The following CSF1R variants were observed in gnomAD, a reference collection of about 807,000 sequenced individuals.
CSF1R encodes the protein macrophage colony-stimulating factor 1 receptor.
A neutral mutation model predicts 110.0 loss-of-function variants in CSF1R; 40 were observed. The ratio of observed to expected loss-of-function variants is 0.36; its 90% confidence interval spans 0.28 to 0.47. The LOEUF (loss-of-function observed/expected upper bound fraction) is 0.47. Among genes scored for constraint, CSF1R ranks in the 20% least tolerant of loss-of-function variants. The pLI is 0.99. For synonymous variants in CSF1R, 523 were observed against 503.4 expected (o/e 1.04, Z -0.52); for missense variants, 1,052 against 1,253.0 (o/e 0.84, Z 2.42).
intron 5 of CSF1R, among the ~76,000 whole-genome samples, chr5:150,075,180 G>A (rs1031439803): frequency 9.9e-5 from 15 of 152,032 alleles, no homozygotes; most frequent in Non-Finnish European, 1.9e-4. Flanking sequence ...GAGCTTTTGG[G>A]GGCAAGGCTT....
chr5:150,059,222 T>A (rs1757386090), intron 14 of CSF1R, among the ~76,000 whole-genome samples: 1 of 151,914 alleles, frequency 6.6e-6, no homozygotes, highest in Non-Finnish European at 1.5e-5. Flanking sequence ...TTTTGTATAT[T>A]TAATAGAGAC....
intron 1 of CSF1R, among the ~76,000 whole-genome samples, chr5:150,081,371 A>G (rs1758535877): frequency 6.6e-6 from 1 of 151,976 alleles, no homozygotes; most frequent in Non-Finnish European, 1.5e-5. Flanking sequence ...GACTCTTTTA[A>G]CCCTGTGTAC....
chr5:150,064,327 G>C (rs1757662288), intron 10 of CSF1R, among the ~76,000 whole-genome samples: 1 of 152,242 alleles, frequency 6.6e-6, no homozygotes, highest in African/African-American at 2.4e-5. Context: ...GAGAGAGACA[G>C]GGAGAAAGCT....
At chr5:150,106,589 C>T (rs1759562690) in intron 1 of CSF1R, among the ~76,000 whole-genome samples, 1 of 152,206 alleles carries the variant, frequency 6.6e-6, no homozygotes, top group Admixed American at 6.5e-5. Flanking sequence ...ATCTCTAGGC[C>T]TGAGGATTGA....
rs1355355816 is a variant in CSF1R, at chr5:150,065,937, T to C, written c.1626+2278A>G. Among the ~76,000 whole-genome samples, 3 of 152,238 alleles carry C rather than the reference T, an allele frequency of 2.0e-5. No homozygotes were observed. In the East Asian group the frequency reaches 5.8e-4, roughly 29 times the overall value. On this transcript the variant is annotated intron_variant, in intron 10 of 20. Transcript: ENST00000675795. The stretch of plus-strand genomic sequence containing the variant: ...TAGGCTCTTCTCTGGAATCTCTGCA[T>C]GACTGTCCTGGCAGCTCTGTGGGCA...
chr5:150,083,123 G>A (rs1758629111), intron 1 of CSF1R, among the ~76,000 whole-genome samples: 1 of 152,030 alleles, frequency 6.6e-6, no homozygotes, highest in Admixed American at 6.6e-5. Flanking sequence ...CTGCTGGCTT[G>A]GCTAGCAGGG....
At chr5:150,083,440 G>A (rs1758653629) in intron 1 of CSF1R, among the ~76,000 whole-genome samples, 1 of 148,834 alleles carries the variant, frequency 6.7e-6, no homozygotes, top group Admixed American at 6.7e-5. Context: ...TTCAGCCCAG[G>A]ATCTCATCGC....
At chr5:150,068,742 C>T (rs1484851162) in intron 9 of CSF1R, among the ~76,000 whole-genome samples, 1 of 152,234 alleles carries the variant, frequency 6.6e-6, no homozygotes, top group African/African-American at 2.4e-5. Context: ...CCTTCCTCTC[C>T]TGCATTTCCC....
rs1342829281 is a variant in CSF1R at position 150,080,795 on chromosome 5, G to A, written c.279C>T (p.Gly93=). The part of the protein sequence containing the change: ...RCTEPGDPLG[G]SAAIHLYVKD... Reference sequence around the variant, plus strand: ...TGACATAGAGGTGGATGGCGGCGCTGCCTCCCAGGGGGTCTCCAGGCTCAG... The same window carrying A: ...TGACATAGAGGTGGATGGCGGCGCTACCTCCCAGGGGGTCTCCAGGCTCAG... Residue 93 remains glycine (G), a synonymous_variant, in exon 2 of 21, where the codon GGC becomes GGT. Transcript: ENST00000675795. 6.2e-7 allele frequency: 1 copy of A among 1,614,122 alleles called. No individual in the cohort carries two copies. The highest frequency in any genetic ancestry group is 1.7e-5 in the Admixed American group (1 of 60,012).
chr5:150,091,345 G>A (rs1454466578), upstream of CSF1R, among the ~76,000 whole-genome samples: 1 of 152,162 alleles, frequency 6.6e-6, no homozygotes, highest in African/African-American at 2.4e-5. Flanking sequence ...AATATTCAAC[G>A]CAGCACAATT....
Position 150,080,912 on chromosome 5 carries a change from TGGG to T in CSF1R, c.159_161del (p.Pro54del), listed in dbSNP as rs753211296. On this transcript the variant is annotated inframe_deletion, in exon 2 of 21. Coordinates refer to ENST00000675795, the MANE Select transcript of CSF1R (RefSeq NM_001288705.3). ...CAGAGTACAGGGTCCAGTGAGGTGA[TGGG>T]GGGCCATCCCATTCCACGCTGCCAT... is the stretch of plus-strand genomic sequence containing the variant. 1.9e-5 allele frequency: 31 copies of T among 1,614,002 alleles called. No individual in the cohort carries two copies. The highest frequency in any genetic ancestry group is 2.6e-5 in the Non-Finnish European group (31 of 1,180,012).
At chr5:150,077,870 CAG>C (rs1395200366) in intron 4 of CSF1R, among the ~76,000 whole-genome samples, 1 of 152,210 alleles carries the variant, frequency 6.6e-6, no homozygotes, top group African/African-American at 2.4e-5. Context: ...GTCAAGGTGA[CAG>C]AGAACCACCT....
chr5:150,069,833 C>G (rs751114900), intron 9 of CSF1R, 40 bp downstream of exon 9: 5 of 1,359,254 alleles, frequency 3.7e-6, no homozygotes, highest in Non-Finnish European at 4.7e-6. Context: ...GGGCGGGGGG[C>G]GGGCGGGGGG....
intron 1 of CSF1R, among the ~76,000 whole-genome samples, chr5:150,091,852 CAAAAAAAAA>C (rs57967086): frequency 2.8e-5 from 2 of 71,230 alleles, no homozygotes; most frequent in African/African-American, 1.2e-4. Flanking sequence ...CCCATACTAC[CAAAAAAAAA>C]AAAAAAAAAA....
chr5:150,096,996 C>T (rs904582723), intron 1 of CSF1R, among the ~76,000 whole-genome samples: 1 of 152,184 alleles, frequency 6.6e-6, no homozygotes, highest in African/African-American at 2.4e-5. Flanking sequence ...GGTGTGGTGA[C>T]TCACAATGTA....
intron 10 of CSF1R, 79 bp downstream of exon 10, chr5:150,068,136 G>A: frequency 4.6e-6 from 5 of 1,093,164 alleles, no homozygotes; most frequent in Non-Finnish European, 6.8e-6. Context: ...AGGAGGAAGG[G>A]TGAATCCATG....
chr5:150,086,722 G>A, upstream of CSF1R: 2 of 387,188 alleles, frequency 5.2e-6, no homozygotes, highest in African/African-American at 2.0e-5. Context: ...AGCTTGGGGG[G>A]AGCTAGCTAA....
chr5:150,069,885 G>T lies in CSF1R; in HGVS notation c.1498C>A (p.Pro500Thr). 6.2e-7 allele frequency: 1 copy of T among 1,611,944 alleles called. No homozygotes were observed. The highest frequency in any genetic ancestry group is 8.5e-7 in the Non-Finnish European group (1 of 1,178,884). ...GGCTCCCTCTCACCTGCAGAGATGG[G>T]TATGAAGGCCCAGGAGCCACTCCCC... The part of the protein sequence containing the change: ...SVGSGSWAFI[P>T]ISAGAHTHPP... The change falls in exon 9 of 21, where the codon CCC becomes ACC. Residue 500 changes from proline to threonine, a missense_variant. Pro to Thr is a conservative substitution (Grantham distance 38, BLOSUM62 -1). This residue lies in a region of CSF1R where 693 missense variants were observed against 735.4 expected (regional missense o/e 0.94). Transcript: ENST00000675795.
rs73796315 is a variant in CSF1R, at chr5:150,103,563, T to C, written c.-181+9698A>G. Among the ~76,000 whole-genome samples, 1,477 of 152,332 alleles carry C rather than the reference T, an allele frequency of 9.7e-3. 19 individuals are homozygous for C. Among genetic ancestry groups the C allele is most frequent in the African/African-American group, 0.033 (1,352 of 41,570 alleles). On this transcript the variant is annotated intron_variant, in intron 1 of 21. Coordinates refer to the CSF1R transcript ENST00000286301. ...TCAATGTGACATTAACTTCTTAAAG[T>C]CCAACACATTTGGAAGCAAGCCCCT...
Sources: allele counts gnomAD v4.1 joint callset (sites outside exome capture counted in the v4.1 genomes callset), GRCh38; gene constraint gnomAD v4.1.1; regional missense constraint gnomAD v4.1.1; transcripts MANE v1.5; gene names NCBI Gene and HGNC (gene_info 2026-07-23, HGNC 2026-07-21).